PCK1: variants seen among roughly 807,000 people sequenced by gnomAD.
The protein encoded by PCK1 is phosphoenolpyruvate carboxykinase 1, also known as phosphoenolpyruvate carboxykinase, cytosolic [GTP].
Under a neutral mutation model 50.3 loss-of-function variants are expected in PCK1, and 44 were observed. That is an observed-to-expected ratio of 0.87 (90% confidence interval 0.69 to 1.12). The LOEUF (loss-of-function observed/expected upper bound fraction) is 1.12, where lower values mean the gene tolerates loss of function less well. Among genes scored for constraint, PCK1 ranks in the 50% most tolerant of loss-of-function variants. PCK1 has a pLI of 0.00. For synonymous variants in PCK1, 332 were observed against 314.3 expected (o/e 1.06, Z -0.59); for missense variants, 790 against 815.0 (o/e 0.97, Z 0.37).
rs755377001 is a variant in PCK1 at position 57,564,132 on chromosome 20, G to A, written c.962-37G>A. 1.3e-5 allele frequency: 18 copies of A among 1,355,890 alleles called. No homozygotes were observed. In the Admixed American group the frequency reaches 2.1e-4, roughly 16 times the overall value. 84.0% of individuals were successfully genotyped at this position (1,355,890 alleles called of 1,614,324 possible). On this transcript the variant is annotated intron_variant, in intron 6 of 9. Transcript: ENST00000319441. ...AAGAGTATATGTTCTGCTTTGCCTG[G>A]CACTCACTACTGCTTCTCTGGTTTA...
At position 57,561,790 on chromosome 20, in the gene PCK1, T is replaced by G. The variant is rs2070146056; in HGVS notation, c.224+155T>G. 4 of 624,134 alleles carry G rather than the reference T, an allele frequency of 6.4e-6. No individual in the cohort carries two copies. In the South Asian group the frequency reaches 7.9e-5, roughly 12 times the overall value. The allele number at this position is 624,134 out of a possible 1,614,324, so 38.7% of individuals were successfully genotyped here. ...TGGTCAGAACCATACAGACTTGAAT[T>G]TTGTGACATTAGTGGGCCAGCCCAA... On this transcript the variant is annotated intron_variant, in intron 2 of 9. Coordinates refer to ENST00000319441, the MANE Select transcript of PCK1 (RefSeq NM_002591.4).
Position 57,565,947 on chromosome 20 carries a change from T to G in PCK1, c.*143T>G. ...CGTGAGCAGATCTGAAAGGCACACT[T>G]TGATTTTTTTAAGGATAAGAACCAC... On this transcript the variant is annotated 3_prime_UTR_variant, in exon 10 of 10. Coordinates refer to ENST00000319441, the MANE Select transcript of PCK1 (RefSeq NM_002591.4). 2 of 615,904 alleles carry G rather than the reference T, an allele frequency of 3.2e-6. No homozygotes were observed. The highest frequency in any genetic ancestry group is 5.5e-6 in the Non-Finnish European group (2 of 362,352). 38.2% of individuals were successfully genotyped at this position (615,904 alleles called of 1,614,324 possible). A position where few individuals can be genotyped will look rare whatever the true frequency, so the allele number is the denominator to read the frequency against.
rs1207210140 is a variant in PCK1, at chr20:57,565,370, C to T, written c.1435C>T (p.Pro479Ser). ...AACAGGCAAAATCATCATGCATGAC[C>T]CCTTTGCCATGCGGCCCTTCTTTGG... The part of the protein sequence containing the change: ...EHKGKIIMHD[P>S]FAMRPFFGYN... The change falls in exon 10 of 10, where the codon CCC becomes TCC. Residue 479 changes from proline (P) to serine (S), a missense_variant. Pro to Ser is a moderately conservative substitution (Grantham distance 74). Transcript: ENST00000319441. 6.2e-7 allele frequency: 1 copy of T among 1,613,756 alleles called. No individual in the cohort carries two copies. The highest frequency in any genetic ancestry group is 8.5e-7 in the Non-Finnish European group (1 of 1,179,736).
rs1409004157 is a variant in PCK1, at chr20:57,565,664, C to T, written c.1729C>T (p.Leu577Phe). ...KGLGHINMME[L>F]FSISKEFWEK... ...CCTGGGGCACATCAACATGATGGAG[C>T]TTTTCAGCATCTCCAAGGAATTCTG... is the stretch of plus-strand genomic sequence containing the variant. The change falls in exon 10 of 10, where the codon CTT becomes TTT. Residue 577 changes from leucine to phenylalanine, a missense_variant. By Grantham distance (22) the Leu-to-Phe change is conservative. Coordinates refer to ENST00000319441, the MANE Select transcript of PCK1 (RefSeq NM_002591.4). 1 of 1,614,044 alleles carries T rather than the reference C, an allele frequency of 6.2e-7. No individual in the cohort carries two copies. The highest frequency in any genetic ancestry group is 1.7e-5 in the Admixed American group (1 of 60,026).
At chr20:57,561,224 A>G in intron 1 of PCK1, 21 bp downstream of exon 1, 1 of 537,166 alleles carries the variant, frequency 1.9e-6, no homozygotes, top group Non-Finnish European at 3.3e-6. Context: ...CTTTGCATTT[A>G]CATTTTGAAA....
chr20:57,561,285 A>G, intron 1 of PCK1, 82 bp downstream of exon 1: 2 of 657,956 alleles, frequency 3.0e-6, no homozygotes, highest in Non-Finnish European at 5.4e-6. Context: ...CTATTTGGCA[A>G]TGCACAGCCC....
intron 6 of PCK1, 56 bp downstream of exon 6, chr20:57,563,783 C>G (rs770195437): frequency 1.6e-4 from 220 of 1,399,548 alleles, no homozygotes; most frequent in Non-Finnish European, 2.1e-4. Context: ...AATCGTTGGC[C>G]TTCGAAACAT....
At chr20:57,562,614 G>T (rs2070157187) in intron 3 of PCK1, 82 bp from the exon 4 acceptor site, 1 of 1,163,002 alleles carries the variant, frequency 8.6e-7, no homozygotes, top group African/African-American at 1.5e-5. Flanking sequence ...CCGTGAAAAT[G>T]GGTCTACCTG....
rs1050741172 is a variant in PCK1, at chr20:57,565,950, AT to A, written c.*153del. 1.6e-6 allele frequency: 1 copy of A among 612,796 alleles called. No homozygotes were observed. Among genetic ancestry groups the A allele is most frequent in the Non-Finnish European group, 2.8e-6 (1 of 359,684 alleles). The allele number at this position is 612,796 out of a possible 1,614,324, so 38.0% of individuals were successfully genotyped here. A position where few individuals can be genotyped will look rare whatever the true frequency, so the allele number is the denominator to read the frequency against. On this transcript the variant is annotated 3_prime_UTR_variant, in exon 10 of 10. Transcript: ENST00000319441. ...GAGCAGATCTGAAAGGCACACTTTG[AT>A]TTTTTTAAGGATAAGAACCACAGAA...
Position 57,567,920 on chromosome 20 carries a change from C to A in PCK1, c.*2116C>A, listed in dbSNP as rs2070217121. 1 of 152,276 alleles carries A rather than the reference C, an allele frequency of 6.6e-6. No individual in the cohort carries two copies. Among genetic ancestry groups the A allele is most frequent in the African/African-American group, 2.4e-5 (1 of 41,440 alleles). The allele number at this position is 152,276 out of a possible 1,614,324, so 9.4% of individuals were successfully genotyped here. A position where few individuals can be genotyped will look rare whatever the true frequency, so the allele number is the denominator to read the frequency against. On this transcript the variant is annotated 3_prime_UTR_variant, in exon 10 of 10. Coordinates refer to ENST00000319441, the MANE Select transcript of PCK1 (RefSeq NM_002591.4). ...CCATTTGCCAGCAGGCCCTGCAAGC[C>A]TGGGGGACAGCCTAGAGGAGGTGAC...
rs1476662415 is a variant in PCK1, at chr20:57,561,382, A to G, written c.-30A>G. 18 of 1,474,114 alleles carry G rather than the reference A, an allele frequency of 1.2e-5. No homozygotes were observed. Among genetic ancestry groups the G allele is most frequent in the Non-Finnish European group, 1.7e-5 (18 of 1,060,564 alleles). 91.3% of individuals were successfully genotyped at this position (1,474,114 alleles called of 1,614,324 possible). ...CGTTTTCTATTTCAGGTGACCTCAC[A>G]TTCGTGCCCCTTAGCAGCACTCTGC... On this transcript the variant is annotated 5_prime_UTR_variant, in exon 2 of 10. Transcript: ENST00000319441.
Position 57,565,903 on chromosome 20 carries a change from A to G in PCK1, c.*99A>G, listed in dbSNP as rs981307393. Reference sequence around the variant, plus strand: ...CAAGTGTTCCCAAATTGACGCCACCATAATAATCATCACCACACCGTGAGC... The same window carrying G: ...CAAGTGTTCCCAAATTGACGCCACCGTAATAATCATCACCACACCGTGAGC... On this transcript the variant is annotated 3_prime_UTR_variant, in exon 10 of 10. Transcript: ENST00000319441. 130 of 836,726 alleles carry G rather than the reference A, an allele frequency of 1.6e-4. No homozygotes were observed. In the African/African-American group the frequency reaches 2.0e-3, roughly 13 times the overall value. The allele number at this position is 836,726 out of a possible 1,614,324, so 51.8% of individuals were successfully genotyped here. A position where few individuals can be genotyped will look rare whatever the true frequency, so the allele number is the denominator to read the frequency against.
chr20:57,563,548 A>C lies in PCK1; in HGVS notation c.799-17A>C. 1 of 1,559,088 alleles carries C rather than the reference A, an allele frequency of 6.4e-7. No homozygotes were observed. Among genetic ancestry groups the C allele is most frequent in the Non-Finnish European group, 8.8e-7 (1 of 1,140,368 alleles). On this transcript the variant is annotated splice_polypyrimidine_tract_variant and intron_variant, in intron 5 of 9. Coordinates refer to ENST00000319441, the MANE Select transcript of PCK1 (RefSeq NM_002591.4). Reference sequence around the variant, plus strand: ...GAAGGAAACAAAGATCACAATAAAGAATCTTGTCCCCAACAGATTCTGGGT... The same window carrying C: ...GAAGGAAACAAAGATCACAATAAAGCATCTTGTCCCCAACAGATTCTGGGT...
At chr20:57,562,955 AC>A in intron 4 of PCK1, 56 bp downstream of exon 4, 1 of 1,580,036 alleles carries the variant, frequency 6.3e-7, no homozygotes, top group African/African-American at 1.3e-5. Context: ...CTGAACGCAA[AC>A]CCCAGTGAGT....
intron 8 of PCK1, 115 bp from the exon 9 acceptor site, chr20:57,564,925 G>T: frequency 1.2e-6 from 1 of 812,116 alleles, no homozygotes; most frequent in Admixed American, 2.3e-5. Context: ...AAACTAGCTC[G>T]ATTACAAAGT....
intron 9 of PCK1, 49 bp from the exon 10 acceptor site, chr20:57,565,301 T>G: frequency 1.3e-6 from 2 of 1,490,268 alleles, no homozygotes; most frequent in Non-Finnish European, 1.9e-6. Flanking sequence ...GGCGTCAGTC[T>G]TGCCTAGGAG....
At position 57,562,529 on chromosome 20, in the gene PCK1, G is replaced by T. The variant is rs1053231991; in HGVS notation, c.407-167G>T. 10 of 645,956 alleles carry T rather than the reference G, an allele frequency of 1.5e-5. No individual in the cohort carries two copies. In the African/African-American group the frequency reaches 1.6e-4, roughly 11 times the overall value. 40.0% of individuals were successfully genotyped at this position (645,956 alleles called of 1,614,324 possible). ...TATGAAAACTCTTTAATTTCAGCAG[G>T]CTGTTCACTTTCCAGTGGCCTCTTC... On this transcript the variant is annotated intron_variant, in intron 3 of 9. Coordinates refer to ENST00000319441, the MANE Select transcript of PCK1 (RefSeq NM_002591.4).
intron 2 of PCK1, 187 bp from the exon 3 acceptor site, chr20:57,561,884 C>T (rs373064233): frequency 1.6e-6 from 1 of 618,142 alleles, no homozygotes; most frequent in South Asian, 2.0e-5. Flanking sequence ...GGCAGCCCCT[C>T]TCCTACAGAC....
At chr20:57,562,328 C>A in intron 3 of PCK1, 76 bp downstream of exon 3, 3 of 1,282,328 alleles carry the variant, frequency 2.3e-6, no homozygotes, top group Admixed American at 2.0e-5. Flanking sequence ...AATGGTAATT[C>A]AAACAATAAT....
Sources: allele counts gnomAD v4.1 joint callset, GRCh38; gene constraint gnomAD v4.1.1; transcripts MANE v1.5; gene names NCBI Gene and HGNC (gene_info 2026-07-23, HGNC 2026-07-21).